MYRIP: variants seen among roughly 807,000 people sequenced by gnomAD.
MYRIP encodes the protein rab effector MyRIP.
MYRIP carries 49 observed loss-of-function variants against 98.0 expected under a neutral mutation model. That is an observed-to-expected ratio of 0.50 (90% CI 0.40 to 0.63). The LOEUF (loss-of-function observed/expected upper bound fraction) is 0.63, where lower values mean the gene tolerates loss of function less well. MYRIP is among the 30% of genes least tolerant of loss of function. The pLI is 0.00. For synonymous variants in MYRIP, 404 were observed against 409.5 expected (o/e 0.99, Z 0.16); for missense variants, 1,004 against 1,058.2 (o/e 0.95, Z 0.71).
At chr3:40,155,582 G>T (rs1467516212) in intron 4 of MYRIP, among the ~76,000 whole-genome samples, 1 of 151,428 alleles carries the variant, frequency 6.6e-6, no homozygotes, top group African/African-American at 2.4e-5. Flanking sequence ...CTTCCACAAT[G>T]GTTGAACTAG....
rs866709822 is a variant in MYRIP, at chr3:40,032,748, C to G, written c.111-11302C>G. Reference sequence around the variant, plus strand: ...AGGCCAGCATCATCCTGATACCAAACCCGGGCAGAGACACAACCAAAAAAG... The same window carrying G: ...AGGCCAGCATCATCCTGATACCAAAGCCGGGCAGAGACACAACCAAAAAAG... On this transcript the variant is annotated intron_variant, in intron 2 of 16. Transcript: ENST00000302541. Among the ~76,000 whole-genome samples, 229 of 152,170 alleles carry G rather than the reference C, an allele frequency of 1.5e-3. 2 individuals are homozygous for G. Among genetic ancestry groups the G allele is most frequent in the African/African-American group, 5.4e-3 (223 of 41,530 alleles).
At chr3:39,875,959 T>G (rs984490189) in intron 1 of MYRIP, among the ~76,000 whole-genome samples, 70 of 152,216 alleles carry the variant, frequency 4.6e-4, no homozygotes, top group African/African-American at 1.6e-3. Context: ...TCTCCCATTA[T>G]TATTGTGTGG....
intron 2 of MYRIP, among the ~76,000 whole-genome samples, chr3:39,906,366 A>G (rs1020189678): frequency 6.6e-6 from 1 of 152,140 alleles, no homozygotes; most frequent in Non-Finnish European, 1.5e-5. Flanking sequence ...GGTCTTGCCT[A>G]CTGAGAACAT....
rs1198753881 is a variant in MYRIP, at chr3:40,218,630, AT to A, written c.1905+8538del. Among the ~76,000 whole-genome samples, 38 of 23,624 alleles carry A rather than the reference AT, an allele frequency of 1.6e-3. 1 individual carries two copies. Among genetic ancestry groups the A allele is most frequent in the African/African-American group, 3.0e-3 (30 of 10,004 alleles). 15.5% of individuals were successfully genotyped at this position (23,624 alleles called of 152,430 possible). On this transcript the variant is annotated intron_variant, in intron 11 of 16. Coordinates refer to ENST00000302541, the MANE Select transcript of MYRIP (RefSeq NM_015460.4). Reference sequence around the variant, plus strand: ...ATATATTTTATATATATATATATATATATATATATATATATATATATATATA... The same window carrying A: ...ATATATTTTATATATATATATATATAATATATATATATATATATATATATA...
At chr3:40,012,125 A>G (rs758729810) in intron 2 of MYRIP, among the ~76,000 whole-genome samples, 3 of 152,188 alleles carry the variant, frequency 2.0e-5, no homozygotes, top group African/African-American at 4.8e-5. Context: ...TCATAATATC[A>G]TGGAAATCTG....
At chr3:39,832,116 A>G (rs1183013793) in intron 1 of MYRIP, among the ~76,000 whole-genome samples, 2 of 152,182 alleles carry the variant, frequency 1.3e-5, no homozygotes, top group African/African-American at 2.4e-5. Flanking sequence ...CCCTGTGTGC[A>G]TTCTCTGCAT....
chr3:40,059,583 T>C (rs1044094732), intron 3 of MYRIP, among the ~76,000 whole-genome samples: 1 of 152,214 alleles, frequency 6.6e-6, no homozygotes, highest in Non-Finnish European at 1.5e-5. Flanking sequence ...AATGTCTTTC[T>C]TTGTTTCTTT....
chr3:39,812,399 A>C (rs1940725418), intron 1 of MYRIP, among the ~76,000 whole-genome samples: 1 of 152,230 alleles, frequency 6.6e-6, no homozygotes, highest in African/African-American at 2.4e-5. Context: ...AGAAGGAATA[A>C]TTTAGCCTTA....
intron 2 of MYRIP, among the ~76,000 whole-genome samples, chr3:40,014,699 T>A (rs1250395172): frequency 2.0e-5 from 3 of 152,198 alleles, no homozygotes; most frequent in Non-Finnish European, 2.9e-5. Context: ...GTCTTACATG[T>A]CGAGTCATTT....
intron 2 of MYRIP, among the ~76,000 whole-genome samples, chr3:39,959,797 C>T (rs563373336): frequency 6.6e-6 from 1 of 151,968 alleles, no homozygotes; most frequent in Admixed American, 6.6e-5. Flanking sequence ...TATTGTGTAA[C>T]ATATGTTGAA....
At chr3:40,095,558 G>A (rs767742898) in intron 3 of MYRIP, among the ~76,000 whole-genome samples, 18 of 152,210 alleles carry the variant, frequency 1.2e-4, no homozygotes, top group South Asian at 2.1e-4. Context: ...AGAATTTCCC[G>A]AAGCCCCTAA....
At chr3:39,932,406 G>T (rs1227721179) in intron 2 of MYRIP, among the ~76,000 whole-genome samples, 1 of 152,044 alleles carries the variant, frequency 6.6e-6, no homozygotes, top group East Asian at 1.9e-4. Context: ...TGTTGCCCAG[G>T]CTGGAGTGCA....
intron 11 of MYRIP, chr3:40,232,787 T>C (rs918316199): frequency 1.3e-5 from 2 of 152,232 alleles, no homozygotes; most frequent in African/African-American, 2.4e-5. Flanking sequence ...TCCGGGTTGA[T>C]TGTAATTTTG....
At chr3:39,846,117 T>C (rs1488735545) in intron 1 of MYRIP, among the ~76,000 whole-genome samples, 2 of 152,200 alleles carry the variant, frequency 1.3e-5, no homozygotes, top group South Asian at 2.1e-4. Flanking sequence ...GCGATTAGCA[T>C]AGAAGTTGGA....
At chr3:39,894,237 C>T (rs1943552407) in intron 1 of MYRIP, among the ~76,000 whole-genome samples, 3 of 152,162 alleles carry the variant, frequency 2.0e-5, no homozygotes, top group Admixed American at 6.5e-5. Flanking sequence ...AAATTGAACA[C>T]ATCAATGTAA....
intron 10 of MYRIP, among the ~76,000 whole-genome samples, chr3:40,206,531 A>G (rs1951797087): frequency 6.6e-6 from 1 of 152,152 alleles, no homozygotes; most frequent in African/African-American, 2.4e-5. Flanking sequence ...AGATTTGCTC[A>G]GTTATCTATT....
intron 3 of MYRIP, among the ~76,000 whole-genome samples, chr3:40,107,221 G>A (rs1198762402): frequency 6.6e-6 from 1 of 152,230 alleles, no homozygotes; most frequent in Non-Finnish European, 1.5e-5. Context: ...CACTGGAGAT[G>A]TAACAGAGAA....
intron 2 of MYRIP, among the ~76,000 whole-genome samples, chr3:40,015,067 T>A (rs915271312): frequency 6.6e-6 from 1 of 152,140 alleles, no homozygotes; most frequent in African/African-American, 2.4e-5. Context: ...AGTGGAGGTG[T>A]CTCTAAGAAT....
intron 2 of MYRIP, among the ~76,000 whole-genome samples, chr3:39,931,422 T>A (rs1944533533): frequency 6.6e-6 from 1 of 152,024 alleles, no homozygotes; most frequent in African/African-American, 2.4e-5. Flanking sequence ...CTGACAATTT[T>A]TTATGGACTC....
Sources: allele counts gnomAD v4.1 joint callset (sites outside exome capture counted in the v4.1 genomes callset), GRCh38; gene constraint gnomAD v4.1.1; transcripts MANE v1.5; gene names NCBI Gene and HGNC (gene_info 2026-07-23, HGNC 2026-07-21).